Variants in STRN4 observed in about 807,000 individuals in gnomAD.
STRN4 encodes the protein striatin 4.
A neutral mutation model predicts 77.9 loss-of-function variants in STRN4; 27 were observed. That is an observed-to-expected ratio of 0.35 (90% CI 0.26 to 0.48). STRN4 has a LOEUF of 0.48. Among genes scored for constraint, STRN4 ranks in the 20% least tolerant of loss-of-function variants. The probability of loss-of-function intolerance (pLI) is 0.99; values close to 1 mark genes in which losing one functional copy is unlikely to be tolerated. For missense variants in STRN4, 798 were observed against 1,049.7 expected, an observed-to-expected ratio of 0.76 and a Z score of 3.31; for synonymous variants, 466 against 443.1, an observed-to-expected ratio of 1.05 and a Z score of -0.65.
At chr19:46,729,510 G>A (rs1398978981) in intron 6 of STRN4, among the ~76,000 whole-genome samples, 1 of 152,188 alleles carries the variant, frequency 6.6e-6, no homozygotes, top group Non-Finnish European at 1.5e-5. Context: ...GAGGGAAGGG[G>A]CATGGAGAAG....
intron 6 of STRN4, among the ~76,000 whole-genome samples, chr19:46,729,120 C>A (rs1284041398): frequency 6.6e-6 from 1 of 152,200 alleles, no homozygotes; most frequent in Admixed American, 6.5e-5. Context: ...TGTGAATATA[C>A]GGAGGTGCAA....
intron 1 of STRN4, among the ~76,000 whole-genome samples, chr19:46,745,264 T>G (rs908465276): frequency 6.6e-6 from 1 of 152,086 alleles, no homozygotes; most frequent in African/African-American, 2.4e-5. Flanking sequence ...CGCCCACTCC[T>G]GCACACCCCC....
intron 1 of STRN4, among the ~76,000 whole-genome samples, chr19:46,742,572 A>T (rs373523653): frequency 4.0e-5 from 6 of 151,538 alleles, no homozygotes; most frequent in Non-Finnish European, 8.8e-5. Context: ...TTTTATTTTT[A>T]TTTTTTTTGA....
chr19:46,730,737 C>T lies in STRN4; in HGVS notation c.874G>A (p.Val292Met). 5 of 1,611,942 alleles carry T rather than the reference C, an allele frequency of 3.1e-6. No individual in the cohort carries two copies. The highest frequency in any genetic ancestry group is 4.2e-6 in the Non-Finnish European group (5 of 1,180,000). Reference sequence around the variant, plus strand: ...GGCATGGAGGAAGGGCTCACCTTCACACGCTGCTTCTTGTGCTGCACGCTG... The same window carrying T: ...GGCATGGAGGAAGGGCTCACCTTCATACGCTGCTTCTTGTGCTGCACGCTG... ...LDSVQHKKQRVKLPSKALVPE... is the reference protein window; with the variant it reads ...LDSVQHKKQRMKLPSKALVPE... The change falls in exon 6 of 18, where the codon GTG (valine) becomes ATG (methionine). Residue 292 changes from valine to methionine, a missense_variant. Physicochemically the swap from Val to Met is conservative, Grantham distance 21. Around this residue, in one of 2 missense-constraint regions of STRN4, gnomAD observed 511 missense variants for 575.9 expected, o/e 0.89. Transcript: ENST00000263280.
chr19:46,732,994 G>A, intron 5 of STRN4, 45 bp downstream of exon 5: 2 of 1,572,612 alleles, frequency 1.3e-6, no homozygotes, highest in Non-Finnish European at 1.7e-6. Flanking sequence ...TTCACCAGCA[G>A]TCAGGAGGAA....
At chr19:46,735,521 C>T (rs1424227614) in intron 4 of STRN4, among the ~76,000 whole-genome samples, 1 of 152,070 alleles carries the variant, frequency 6.6e-6, no homozygotes, top group South Asian at 2.1e-4. Context: ...CAAAAATACA[C>T]AGCCACGGAA....
At chr19:46,729,435 TGA>T (rs2054198951) in intron 6 of STRN4, among the ~76,000 whole-genome samples, 1 of 152,136 alleles carries the variant, frequency 6.6e-6, no homozygotes, top group African/African-American at 2.4e-5. Flanking sequence ...CCCCCCAGGC[TGA>T]GTTTGGCGAC....
chr19:46,737,201 A>C (rs1303918986), intron 3 of STRN4, among the ~76,000 whole-genome samples: 1 of 152,244 alleles, frequency 6.6e-6, no homozygotes, highest in Non-Finnish European at 1.5e-5. Flanking sequence ...ACTGGGTTCA[A>C]GCCCAGCTCT....
intron 9 of STRN4, among the ~76,000 whole-genome samples, chr19:46,726,723 C>T (rs1163091205): frequency 6.6e-6 from 1 of 152,196 alleles, no homozygotes; most frequent in Non-Finnish European, 1.5e-5. Context: ...CAAGCCTCAG[C>T]ACCATGCCCC....
intron 9 of STRN4, among the ~76,000 whole-genome samples, chr19:46,726,575 C>T (rs1414741760): frequency 6.6e-6 from 1 of 152,026 alleles, no homozygotes; most frequent in African/African-American, 2.4e-5. Context: ...GACACGTGAC[C>T]ATGAAGGGGA....
intron 6 of STRN4, 180 bp from the exon 7 acceptor site, chr19:46,728,957 A>G: frequency 1.2e-6 from 1 of 835,264 alleles, no homozygotes; most frequent in East Asian, 2.7e-5. Flanking sequence ...TGCTACCACT[A>G]GGGCCGGTCG....
In STRN4 at chr19:46,738,585, G is replaced by A. The variant is rs886419810; in HGVS notation, c.386+200C>T. On this transcript the variant is annotated intron_variant, in intron 2 of 17. Transcript: ENST00000263280. This position sits in a 1 kb window ranked among gnomAD's most constrained non-coding sequence, Gnocchi z 4.5. ...TGGCGCACAGTGGGCCACTAGCATC[G>A]TGAATATCGTTCCTGGTGTCTAACC... 1.3e-5 allele frequency among the ~76,000 whole-genome samples: 2 copies of A among 152,208 alleles called. No individual in the cohort carries two copies. The highest frequency in any genetic ancestry group is 4.8e-5 in the African/African-American group (2 of 41,444).
Position 46,727,536 on chromosome 19 carries a change from G to C in STRN4, c.1164C>G (p.Ile388Met), listed in dbSNP as rs777955776. ...PQPRPHEDVF[I>M]MDTIGGGEVS... ...CCTCCCCGCCCCCGATAGTGTCCAT[G>C]ATGAAGACGTCTGAGGAGAAGCCAA... Residue 388 changes from isoleucine (I) to methionine (M), a missense_variant, in exon 9 of 18, where the codon ATC becomes ATG. Physicochemically the swap from Ile to Met is conservative, Grantham distance 10. Around this residue, in one of 2 missense-constraint regions of STRN4, gnomAD observed 511 missense variants for 575.9 expected, o/e 0.89. Transcript: ENST00000263280. 6.2e-7 allele frequency: 1 copy of C among 1,613,966 alleles called. No individual in the cohort carries two copies. The highest frequency in any genetic ancestry group is 8.5e-7 in the Non-Finnish European group (1 of 1,179,934).
At chr19:46,737,493 A>C (rs1239142178) in intron 3 of STRN4, among the ~76,000 whole-genome samples, 2 of 152,098 alleles carry the variant, frequency 1.3e-5, no homozygotes, top group East Asian at 3.9e-4. Context: ...CTGAGCACAC[A>C]AGGTCTTCTC....
At chr19:46,727,666 G>A (rs949320654) in intron 8 of STRN4, 120 bp from the exon 9 acceptor site, 7 of 850,534 alleles carry the variant, frequency 8.2e-6, no homozygotes, top group Non-Finnish European at 1.3e-5. Context: ...AGAGAGACGG[G>A]GAGAGGACAA....
chr19:46,746,218 A>G lies in STRN4; in HGVS notation c.213T>C (p.Phe71=), dbSNP rs2054603979. The G allele has an allele frequency of 2.0e-6, 3 of 1,536,604 alleles. No individual in the cohort carries two copies. ...EPLSLPGILH[F]IQHEWARFEA... ...CGAAGCGCGCCCACTCGTGCTGGAT[A>G]AAGTGCAGGATCCCCGGCAGGCTCA... Residue 71 remains phenylalanine (F), a synonymous_variant, in exon 1 of 18, where the codon TTT becomes TTC. Transcript: ENST00000263280.
chr19:46,746,004 C>A (rs1005294505), intron 1 of STRN4, 145 bp downstream of exon 1: 252 of 1,077,744 alleles, frequency 2.3e-4, no homozygotes, highest in Non-Finnish European at 2.9e-4. Flanking sequence ...CCTCACTCGC[C>A]CTCCGGGACC....
rs1442717895 is a variant in STRN4, at chr19:46,723,810, GA to G, written c.1595-527del. On this transcript the variant is annotated intron_variant, in intron 12 of 17. Transcript: ENST00000263280. This position sits in a 1 kb window ranked among gnomAD's most constrained non-coding sequence, Gnocchi z 5.5. Reference sequence around the variant, plus strand: ...CCAGCAGCTCTGGCCTGCTGACACCGAAAGTGTGGTGGCTAATGTAGCTGGG... The same window carrying G: ...CCAGCAGCTCTGGCCTGCTGACACCGAAGTGTGGTGGCTAATGTAGCTGGG... Among the ~76,000 whole-genome samples, 1 of 152,174 alleles carries G rather than the reference GA, an allele frequency of 6.6e-6. No individual in the cohort carries two copies. Among genetic ancestry groups the G allele is most frequent in the South Asian group, 2.1e-4 (1 of 4,830 alleles).
chr19:46,724,694 C>T (rs959061032), intron 12 of STRN4, 113 bp downstream of exon 12: 15 of 1,488,086 alleles, frequency 1.0e-5, no homozygotes, highest in East Asian at 6.9e-5. Context: ...AGCCGTCACA[C>T]GCACTCCTGA....
Sources: allele counts gnomAD v4.1 joint callset (sites outside exome capture counted in the v4.1 genomes callset), GRCh38; gene constraint gnomAD v4.1.1; regional missense constraint gnomAD v4.1.1; non-coding constraint Gnocchi (gnomAD v3.1); transcripts MANE v1.5; gene names NCBI Gene and HGNC (gene_info 2026-07-23, HGNC 2026-07-21).